ANKH: variants seen among roughly 807,000 people sequenced by gnomAD.
The protein encoded by ANKH is ANKH inorganic pyrophosphate transport regulator, also known as mineralization regulator ANKH.
In ANKH, 15 loss-of-function variants were observed where a neutral mutation model predicts 49.0. The ratio of observed to expected loss-of-function variants is 0.31; its 90% CI spans 0.20 to 0.47. The LOEUF (loss-of-function observed/expected upper bound fraction) is 0.47, where lower values mean the gene tolerates loss of function less well. ANKH is among the 20% of genes least tolerant of loss of function. The pLI is 1.00. For synonymous variants in ANKH, 273 were observed against 260.0 expected, an observed-to-expected ratio of 1.05 and a Z score of -0.48; for missense variants, 429 against 652.0, an observed-to-expected ratio of 0.66 and a Z score of 3.72.
chr5:14,798,183 G>A (rs963633368), intron 1 of ANKH: 37 of 1,580,140 alleles, frequency 2.3e-5, no homozygotes, highest in African/African-American at 8.1e-5. Flanking sequence ...TTGTTCATCC[G>A]ATGTGTGTGT....
At chr5:14,717,637 A>G (rs1292809494) in intron 8 of ANKH, among the ~76,000 whole-genome samples, 2 of 152,222 alleles carry the variant, frequency 1.3e-5, no homozygotes, top group Non-Finnish European at 2.9e-5. Context: ...CGAATTTGAC[A>G]GGAAACAGGA....
chr5:14,782,915 A>C (rs1173951233), intron 1 of ANKH, among the ~76,000 whole-genome samples: 1 of 152,176 alleles, frequency 6.6e-6, no homozygotes, highest in African/African-American at 2.4e-5. Flanking sequence ...ACTGAAGATG[A>C]GGACAAGAAC....
At chr5:14,716,565 T>C (rs1377148981) in intron 9 of ANKH, 141 bp downstream of exon 9, 15 of 1,021,274 alleles carry the variant, frequency 1.5e-5, no homozygotes, top group Non-Finnish European at 2.1e-5. Flanking sequence ...TTTAACCTAC[T>C]GGCTAATGTT....
chr5:14,769,758 C>T (rs150162876), intron 1 of ANKH, among the ~76,000 whole-genome samples: 26 of 152,234 alleles, frequency 1.7e-4, no homozygotes, highest in African/African-American at 6.3e-4. Context: ...TTCATTCATG[C>T]ATGTTGTTTA....
chr5:14,748,659 CGGGTCAGGT>C (rs1351386367), intron 6 of ANKH, among the ~76,000 whole-genome samples: 1 of 152,178 alleles, frequency 6.6e-6, no homozygotes, highest in Non-Finnish European at 1.5e-5. Flanking sequence ...GTGGTGGTGA[CGGGTCAGGT>C]GGCACATGCA....
Position 14,708,942 on chromosome 5 carries a change from G to C in ANKH, c.*2255C>G, listed in dbSNP as rs998699070. ...AGTTTTGCTCTTGTCACCCAGGCTGGAGTGCGATGGCGCGATCTCGGCTCA... is the reference window on the plus strand; with the variant it reads ...AGTTTTGCTCTTGTCACCCAGGCTGCAGTGCGATGGCGCGATCTCGGCTCA... On this transcript the variant is annotated 3_prime_UTR_variant, in exon 12 of 12. Transcript: ENST00000284268. The C allele has an allele frequency of 6.6e-6, 1 of 151,964 alleles. No homozygotes were observed. Among genetic ancestry groups the C allele is most frequent in the African/African-American group, 2.4e-5 (1 of 41,314 alleles). The allele number at this position is 151,964 out of a possible 1,614,324, so 9.4% of individuals were successfully genotyped here.
chr5:14,863,630 C>G (rs898425912), intron 1 of ANKH, among the ~76,000 whole-genome samples: 2 of 152,064 alleles, frequency 1.3e-5, no homozygotes, highest in Admixed American at 1.3e-4. Context: ...TCTGCAGAAA[C>G]TAATAGAGTC....
At chr5:14,716,893 G>A in intron 8 of ANKH, 58 bp from the exon 9 acceptor site, 2 of 1,600,936 alleles carry the variant, frequency 1.2e-6, no homozygotes, top group Non-Finnish European at 1.7e-6. Context: ...GGTGAAATGA[G>A]CAGATCAGGT....
chr5:14,767,367 G>A (rs921129826), intron 2 of ANKH, among the ~76,000 whole-genome samples: 5 of 152,188 alleles, frequency 3.3e-5, no homozygotes, highest in African/African-American at 1.2e-4. Flanking sequence ...AAATTCATAT[G>A]TGCTTTCGTA....
intron 1 of ANKH, among the ~76,000 whole-genome samples, chr5:14,832,021 T>C (rs1251326164): frequency 6.6e-6 from 1 of 152,164 alleles, no homozygotes; most frequent in Non-Finnish European, 1.5e-5. Context: ...TGATGGTATT[T>C]CTCAACAGCT....
At chr5:14,830,362 G>A (rs1741466120) in intron 1 of ANKH, among the ~76,000 whole-genome samples, 1 of 152,168 alleles carries the variant, frequency 6.6e-6, no homozygotes, top group Admixed American at 6.5e-5. Flanking sequence ...ACCGAAGGTG[G>A]CGACAGCATG....
intron 1 of ANKH, among the ~76,000 whole-genome samples, chr5:14,823,858 A>G (rs1269891367): frequency 2.6e-5 from 4 of 152,188 alleles, no homozygotes; most frequent in African/African-American, 9.6e-5. Flanking sequence ...TGAACCTAGG[A>G]GGTGGAGGTT....
In ANKH at chr5:14,745,862, G is replaced by A. The variant is rs751806199; in HGVS notation, c.915+8C>T. 4.3e-6 allele frequency: 7 copies of A among 1,613,812 alleles called. No homozygotes were observed. The Admixed American group carries it at 1.0e-4, about 23-fold the overall frequency. On this transcript the variant is annotated splice_region_variant and intron_variant, in intron 7 of 11. Coordinates refer to ENST00000284268, the MANE Select transcript of ANKH (RefSeq NM_054027.6). This position sits in a 1 kb window ranked among gnomAD's most constrained non-coding sequence, Gnocchi z 4.7. Reference sequence around the variant, plus strand: ...ATGTTTCAGACACGACACCGCACGGGTTCTCACCTTGTCGAAAGCAGGATA... The same window carrying A: ...ATGTTTCAGACACGACACCGCACGGATTCTCACCTTGTCGAAAGCAGGATA...
chr5:14,778,625 A>T (rs1202661654), intron 1 of ANKH, among the ~76,000 whole-genome samples: 5 of 152,016 alleles, frequency 3.3e-5, no homozygotes, highest in African/African-American at 9.7e-5. Flanking sequence ...TCTAAACTTC[A>T]TTAAGCTTGT....
At position 14,745,993 on chromosome 5, in the gene ANKH, G is replaced by A. The variant is rs1393556547; in HGVS notation, c.823-31C>T. ...ACAGGAAGAGGTGGCAGAGTTAGCA[G>A]GGTACCAGCAGGAAGTCCTCCAGGA... On this transcript the variant is annotated intron_variant, in intron 6 of 11. Transcript: ENST00000284268. This position sits in a 1 kb window ranked among gnomAD's most constrained non-coding sequence, Gnocchi z 4.7. 1.3e-6 allele frequency: 2 copies of A among 1,591,640 alleles called. No individual in the cohort carries two copies. Among genetic ancestry groups the A allele is most frequent in the East Asian group, 2.2e-5 (1 of 44,784 alleles).
At chr5:14,734,650 CTT>C (rs1363966544) in intron 8 of ANKH, among the ~76,000 whole-genome samples, 1 of 152,162 alleles carries the variant, frequency 6.6e-6, no homozygotes, top group Admixed American at 6.5e-5. Context: ...GCTTTACTTC[CTT>C]AAGGGCTCAG....
At chr5:14,861,633 C>A (rs772660473) in intron 1 of ANKH, among the ~76,000 whole-genome samples, 1 of 152,166 alleles carries the variant, frequency 6.6e-6, no homozygotes, top group African/African-American at 2.4e-5. Context: ...CCTCCTCTGT[C>A]CCCCAGGCTG....
chr5:14,744,020 T>G (rs1219589647), intron 7 of ANKH, among the ~76,000 whole-genome samples: 1 of 152,180 alleles, frequency 6.6e-6, no homozygotes, highest in Admixed American at 6.5e-5. Flanking sequence ...ATCACCTTAT[T>G]AATCAGGAGC....
At chr5:14,826,547 T>G (rs977125776) in intron 1 of ANKH, among the ~76,000 whole-genome samples, 1 of 152,242 alleles carries the variant, frequency 6.6e-6, no homozygotes, top group Non-Finnish European at 1.5e-5. Flanking sequence ...TGGTGGGAAT[T>G]AATAAATTAA....
Sources: allele counts gnomAD v4.1 joint callset (sites outside exome capture counted in the v4.1 genomes callset), GRCh38; gene constraint gnomAD v4.1.1; non-coding constraint Gnocchi (gnomAD v3.1); transcripts MANE v1.5; gene names NCBI Gene and HGNC (gene_info 2026-07-23, HGNC 2026-07-21).